The following SLC2A14 variants were observed in gnomAD, a reference collection of about 807,000 sequenced individuals.
SLC2A14 encodes the protein solute carrier family 2 member 14.
Under a neutral mutation model 43.0 loss-of-function variants are expected in SLC2A14, and 13 were observed. That is an observed-to-expected ratio of 0.30 (90% CI 0.20 to 0.48). The LOEUF (loss-of-function observed/expected upper bound fraction) is 0.48, where lower values mean the gene tolerates loss of function less well. Among genes scored for constraint, SLC2A14 ranks in the 20% least tolerant of loss-of-function variants. The probability of loss-of-function intolerance (pLI) is 0.99; values close to 1 mark genes in which losing one functional copy is unlikely to be tolerated. For missense variants in SLC2A14, 428 were observed against 620.4 expected, an observed-to-expected ratio of 0.69 and a Z score of 3.29; for synonymous variants, 190 against 233.8, an observed-to-expected ratio of 0.81 and a Z score of 1.71.
intron 1 of SLC2A14, among the ~76,000 whole-genome samples, chr12:7,881,112 G>A (rs1176487514): frequency 2.0e-5 from 3 of 152,142 alleles, no homozygotes; most frequent in African/African-American, 7.2e-5. Flanking sequence ...AGGTGACAGC[G>A]TGCTGGCAGT....
intron 1 of SLC2A14, among the ~76,000 whole-genome samples, chr12:7,879,005 A>G (rs1390595191): frequency 1.4e-5 from 2 of 138,264 alleles, no homozygotes; most frequent in African/African-American, 2.8e-5. Context: ...AAAAAAAAAA[A>G]CAATTTGTCT....
At position 7,827,622 on chromosome 12, in the gene SLC2A14, T is replaced by C; in HGVS notation, c.737A>G (p.Glu246Gly). The change falls in exon 7 of 11, where the codon GAG (glutamate) becomes GGG (glycine). Residue 246 changes from glutamate to glycine, a missense_variant. Physicochemically the swap from Glu to Gly is moderately conservative, Grantham distance 98. This residue lies in a region of SLC2A14 where 185 missense variants were observed against 275.4 expected (regional missense o/e 0.67). Coordinates refer to ENST00000431042, the MANE Select transcript of SLC2A14 (RefSeq NM_001286234.2). ...CTTTTCTTGTGACATCCTTGCACTC[T>C]CATCTTTCATCTCCTGGATGTCTTG... Reference protein sequence around the residue: ...VSQDIQEMKDESARMSQEKQV... With the variant: ...VSQDIQEMKDGSARMSQEKQV... 1 of 1,613,196 alleles carries C rather than the reference T, an allele frequency of 6.2e-7. No individual in the cohort carries two copies.
At chr12:7,843,651 GA>G (rs575345791) in intron 2 of SLC2A14, among the ~76,000 whole-genome samples, 48 of 133,818 alleles carry the variant, frequency 3.6e-4, no homozygotes, top group Non-Finnish European at 3.3e-4. Flanking sequence ...AACACGAAAC[GA>G]AAAAAAAAGC....
intron 8 of SLC2A14, 112 bp downstream of exon 8, chr12:7,821,105 AAAAT>A (rs976472551): frequency 4.3e-5 from 34 of 782,454 alleles, no homozygotes; most frequent in Non-Finnish European, 6.0e-5. Flanking sequence ...TAAAAAAATA[AAAAT>A]AAATAACAAA....
intron 1 of SLC2A14, 109 bp downstream of exon 1, chr12:7,872,698 G>T: frequency 1.2e-6 from 1 of 862,620 alleles, no homozygotes; most frequent in Non-Finnish European, 1.4e-6. Flanking sequence ...TCTTAGCCCG[G>T]CCCACCTCCG....
At chr12:7,848,811 C>T (rs1433249679) in intron 2 of SLC2A14, among the ~76,000 whole-genome samples, 1 of 151,484 alleles carries the variant, frequency 6.6e-6, no homozygotes, top group Non-Finnish European at 1.5e-5. Context: ...CCGCTTCGAC[C>T]TCCCAAAGTG....
Position 7,864,333 on chromosome 12 carries a change from TTTG to T in SLC2A14, c.18+5527_18+5529del, listed in dbSNP as rs754419682. Among the ~76,000 whole-genome samples, 8 of 152,046 alleles carry T rather than the reference TTTG, an allele frequency of 5.3e-5. No homozygotes were observed. In the South Asian group the frequency reaches 1.0e-3, roughly 20 times the overall value. The stretch of plus-strand genomic sequence containing the variant: ...CTTGTGGTTTGAGCTTTTAACGTCT[TTTG>T]TTGTTGTTGTTATTGTTGTTTGAGA... On this transcript the variant is annotated intron_variant, in intron 2 of 10. Coordinates refer to ENST00000431042, the MANE Select transcript of SLC2A14 (RefSeq NM_001286234.2).
At chr12:7,845,208 C>A (rs965958776) in intron 2 of SLC2A14, among the ~76,000 whole-genome samples, 1 of 152,078 alleles carries the variant, frequency 6.6e-6, no homozygotes, top group African/African-American at 2.4e-5. Context: ...CTGGGCAAAC[C>A]TCTATGGTTG....
intron 2 of SLC2A14, among the ~76,000 whole-genome samples, chr12:7,859,815 G>A (rs1223869250): frequency 4.3e-4 from 65 of 152,142 alleles, no homozygotes; most frequent in Non-Finnish European, 3.5e-4. Flanking sequence ...AGTTACAAAC[G>A]AAATGCTGAA....
intron 2 of SLC2A14, among the ~76,000 whole-genome samples, chr12:7,845,542 G>A (rs1227401993): frequency 7.0e-6 from 1 of 143,652 alleles, no homozygotes; most frequent in African/African-American, 2.6e-5. Flanking sequence ...TACTTTGGGA[G>A]GCCGAGGCGG....
Position 7,842,653 on chromosome 12 carries a change from C to CA in SLC2A14, c.19-9840dup, listed in dbSNP as rs370588152. On this transcript the variant is annotated intron_variant, in intron 2 of 10. Coordinates refer to ENST00000431042, the MANE Select transcript of SLC2A14 (RefSeq NM_001286234.2). Reference sequence around the variant, plus strand: ...CACCAGGCTACCACCCCCCTCCCCCCACTCACAGGAAAACAGCTACATGAT... The same window carrying CA: ...CACCAGGCTACCACCCCCCTCCCCCCAACTCACAGGAAAACAGCTACATGAT... 4.0e-3 allele frequency among the ~76,000 whole-genome samples: 604 copies of CA among 152,132 alleles called. 2 individuals are homozygous for CA. Among genetic ancestry groups the CA allele is most frequent in the African/African-American group, 0.014 (571 of 41,502 alleles).
chr12:7,822,006 A>G lies in SLC2A14; in HGVS notation c.865-681T>C, dbSNP rs748112646. On this transcript the variant is annotated intron_variant, in intron 7 of 10. Transcript: ENST00000431042. ...GGCCTGGCTAATTTTTTGTATTTTTAGTAGAGGCAGGGTTTCACCATGTTA... is the reference window on the plus strand; with the variant it reads ...GGCCTGGCTAATTTTTTGTATTTTTGGTAGAGGCAGGGTTTCACCATGTTA... 2.8e-4 allele frequency among the ~76,000 whole-genome samples: 43 copies of G among 151,574 alleles called. No homozygotes were observed. In the East Asian group the frequency reaches 8.3e-3, roughly 29 times the overall value.
chr12:7,878,342 T>C (rs959583207), upstream of SLC2A14, among the ~76,000 whole-genome samples: 5 of 152,172 alleles, frequency 3.3e-5, no homozygotes, highest in Non-Finnish European at 7.4e-5. Context: ...TCAGTCACTG[T>C]GCCAGCCCTG....
At chr12:7,851,344 C>T (rs750436490) in intron 2 of SLC2A14, among the ~76,000 whole-genome samples, 2 of 152,190 alleles carry the variant, frequency 1.3e-5, no homozygotes, top group Admixed American at 6.5e-5. Flanking sequence ...GTCATCACCC[C>T]GGAAGAAAGG....
chr12:7,850,031 TAAA>T (rs35416196), intron 2 of SLC2A14, among the ~76,000 whole-genome samples: 2 of 135,078 alleles, frequency 1.5e-5, no homozygotes, highest in African/African-American at 2.8e-5. Context: ...AAGAAAGTGC[TAAA>T]AAAAAAAAAA....
intron 2 of SLC2A14, 131 bp from the exon 3 acceptor site, chr12:7,832,945 C>T (rs1333223675): frequency 1.8e-5 from 14 of 780,698 alleles, no homozygotes; most frequent in African/African-American, 1.2e-4. Flanking sequence ...AAACATCAAA[C>T]GAGATTTAGG....
At chr12:7,883,415 C>T (rs575328509) in intron 1 of SLC2A14, among the ~76,000 whole-genome samples, 2 of 150,122 alleles carry the variant, frequency 1.3e-5, no homozygotes, top group Admixed American at 6.6e-5. Context: ...TACAGGCGCC[C>T]GCCACCATGC....
intron 7 of SLC2A14, among the ~76,000 whole-genome samples, chr12:7,824,962 T>C (rs1864217857): frequency 6.6e-6 from 1 of 151,848 alleles, no homozygotes; most frequent in Non-Finnish European, 1.5e-5. Flanking sequence ...CCCACAGTGC[T>C]GGGATTAGAG....
chr12:7,881,868 G>C (rs1945580348), intron 1 of SLC2A14, among the ~76,000 whole-genome samples: 1 of 152,170 alleles, frequency 6.6e-6, no homozygotes, highest in Admixed American at 6.5e-5. Context: ...CTCAGGGTTT[G>C]TGAATGCATC....
Sources: gnomAD v4.1 joint callset for allele counts (sites outside exome capture counted in the v4.1 genomes callset) on GRCh38, gnomAD v4.1.1 for gene constraint, gnomAD v4.1.1 regional missense constraint, MANE v1.5 for transcripts, NCBI Gene and HGNC (gene_info 2026-07-23, HGNC 2026-07-21) for gene names.